STAB2: variants seen among roughly 807,000 people sequenced by gnomAD.
The protein encoded by STAB2 is stabilin 2.
In STAB2, 288 loss-of-function variants were observed where a neutral mutation model predicts 338.1. That is an observed-to-expected ratio of 0.85 (90% CI 0.77 to 0.94). The LOEUF is 0.94. Among genes scored for constraint, STAB2 ranks in the 40% least tolerant of loss-of-function variants. The pLI, the probability that STAB2 is intolerant of heterozygous loss-of-function variation, is 0.00. For missense variants in STAB2, 3,141 were observed against 3,210.1 expected, an observed-to-expected ratio of 0.98 and a Z score of 0.52; for synonymous variants, 1,202 against 1,193.3, an observed-to-expected ratio of 1.01 and a Z score of -0.15.
intron 56 of STAB2, among the ~76,000 whole-genome samples, chr12:103,743,044 CAG>C (rs1157103658): frequency 3.5e-5 from 4 of 115,458 alleles, no homozygotes; most frequent in Admixed American, 1.0e-4. Context: ...TTTTTTGAGA[CAG>C]AGTTTCGCTC....
At chr12:103,701,061 T>A (rs1030783069) in intron 34 of STAB2, among the ~76,000 whole-genome samples, 4 of 148,450 alleles carry the variant, frequency 2.7e-5, no homozygotes, top group African/African-American at 1.0e-4. Flanking sequence ...TGTCCATGTG[T>A]TCTCATTGTT....
intron 9 of STAB2, among the ~76,000 whole-genome samples, chr12:103,644,421 GA>G: frequency 6.7e-6 from 1 of 149,350 alleles, no homozygotes; most frequent in Non-Finnish European, 1.5e-5. Flanking sequence ...CTCTGCATAG[GA>G]AAACCAGAGA....
chr12:103,687,512 T>A (rs1877537934), intron 27 of STAB2, among the ~76,000 whole-genome samples: 1 of 152,044 alleles, frequency 6.6e-6, no homozygotes, highest in Non-Finnish European at 1.5e-5. Context: ...CCCACCCCAG[T>A]ACCAACTGGG....
chr12:103,695,091 T>A (rs1349528306), intron 31 of STAB2, among the ~76,000 whole-genome samples: 1 of 152,214 alleles, frequency 6.6e-6, no homozygotes, highest in African/African-American at 2.4e-5. Context: ...TTCAGGCCAC[T>A]GGGTTGCAGT....
chr12:103,761,449 C>G (rs1245307796), intron 66 of STAB2, 39 bp downstream of exon 66: 1 of 1,567,706 alleles, frequency 6.4e-7, no homozygotes. Flanking sequence ...CCAGGAGGAG[C>G]CCCGGTGCCC....
At chr12:103,761,712 C>T (rs983561325) in intron 66 of STAB2, among the ~76,000 whole-genome samples, 1 of 152,108 alleles carries the variant, frequency 6.6e-6, no homozygotes, top group Non-Finnish European at 1.5e-5. Flanking sequence ...TATGGTTTGG[C>T]CCCTCCACTT....
intron 22 of STAB2, among the ~76,000 whole-genome samples, chr12:103,671,501 C>G (rs1875786186): frequency 6.6e-6 from 1 of 152,152 alleles, no homozygotes. Context: ...CCTCTTCCAT[C>G]AGCTCCTTTA....
At chr12:103,614,595 C>G (rs1957180661) in intron 3 of STAB2, among the ~76,000 whole-genome samples, 1 of 152,200 alleles carries the variant, frequency 6.6e-6, no homozygotes, top group Non-Finnish European at 1.5e-5. Flanking sequence ...TCTGTTGTTT[C>G]TAGGCAAGTC....
At chr12:103,686,484 C>T (rs563351332) in intron 27 of STAB2, among the ~76,000 whole-genome samples, 1 of 152,184 alleles carries the variant, frequency 6.6e-6, no homozygotes, top group African/African-American at 2.4e-5. Flanking sequence ...CTCCAGGTAT[C>T]TCCACACAGA....
chr12:103,713,886 G>C, intron 42 of STAB2, 118 bp downstream of exon 42: 4 of 1,498,126 alleles, frequency 2.7e-6, no homozygotes, highest in Non-Finnish European at 3.6e-6. Flanking sequence ...TATTCCATTT[G>C]CCAGGGCAGG....
chr12:103,758,138 G>C (rs763171630), intron 63 of STAB2, 32 bp from the exon 64 acceptor site: 9 of 1,613,340 alleles, frequency 5.6e-6, no homozygotes, highest in African/African-American at 1.3e-5. Context: ...CACCAGGGCT[G>C]GCCCCTCTGA....
chr12:103,694,328 CAT>C (rs1878216608), intron 31 of STAB2, among the ~76,000 whole-genome samples: 1 of 152,170 alleles, frequency 6.6e-6, no homozygotes, highest in African/African-American at 2.4e-5. Flanking sequence ...GCCTTCTCCT[CAT>C]AGCTCTTGAA....
rs564016944 is a variant in STAB2 at position 103,729,823 on chromosome 12, A to G, written c.5083-293A>G. Among the ~76,000 whole-genome samples, 360 of 152,368 alleles carry G rather than the reference A, an allele frequency of 2.4e-3. 1 individual carries two copies. Among genetic ancestry groups the G allele is most frequent in the Non-Finnish European group, 4.3e-3 (295 of 68,038 alleles). On this transcript the variant is annotated intron_variant, in intron 48 of 68. Transcript: ENST00000388887. ...AAAAAGCCAGGGGAGGAGGTATAGA[A>G]CAAATATAAAAGAGAAGCCAATTTT...
chr12:103,683,751 G>A (rs955827138), intron 26 of STAB2, among the ~76,000 whole-genome samples: 8 of 152,126 alleles, frequency 5.3e-5, no homozygotes, highest in East Asian at 1.9e-4. Flanking sequence ...ACAAGTTATC[G>A]GTGAAAATGC....
intron 2 of STAB2, among the ~76,000 whole-genome samples, chr12:103,592,946 C>T (rs1456457710): frequency 6.6e-6 from 1 of 152,128 alleles, no homozygotes; most frequent in Non-Finnish European, 1.5e-5. Context: ...GCTTATCTCA[C>T]TTAGCATGAT....
At chr12:103,707,231 A>G (rs1219644252) in intron 38 of STAB2, among the ~76,000 whole-genome samples, 1 of 152,240 alleles carries the variant, frequency 6.6e-6, no homozygotes, top group African/African-American at 2.4e-5. Context: ...GCTCATTGAC[A>G]TTCCCAGCCC....
chr12:103,759,627 G>A (rs1293860881), intron 65 of STAB2, among the ~76,000 whole-genome samples: 1 of 152,208 alleles, frequency 6.6e-6, no homozygotes, highest in Non-Finnish European at 1.5e-5. Flanking sequence ...CTTGCTAACT[G>A]TAAGGACTTA....
intron 27 of STAB2, 100 bp downstream of exon 27, chr12:103,685,184 C>T (rs543370796): frequency 5.3e-6 from 6 of 1,140,718 alleles, no homozygotes; most frequent in Non-Finnish European, 7.6e-6. Context: ...TCTTTTGCTG[C>T]AGGAGATTTT....
chr12:103,668,827 C>A, intron 20 of STAB2, 98 bp downstream of exon 20: 2 of 1,059,624 alleles, frequency 1.9e-6, no homozygotes, highest in Non-Finnish European at 2.6e-6. Flanking sequence ...TCACAGGTGG[C>A]CCGTGCTTGC....
Sources: allele counts gnomAD v4.1 joint callset (sites outside exome capture counted in the v4.1 genomes callset), GRCh38; gene constraint gnomAD v4.1.1; transcripts MANE v1.5; gene names NCBI Gene and HGNC (gene_info 2026-07-23, HGNC 2026-07-21).